The following MDFIC variants were observed in gnomAD, a reference collection of about 807,000 sequenced individuals.
MDFIC encodes MyoD family inhibitor domain containing, also known as myoD family inhibitor domain-containing protein.
MDFIC carries 17 observed loss-of-function variants against 23.2 expected under a neutral mutation model. The ratio of observed to expected loss-of-function variants is 0.73; its 90% CI spans 0.50 to 1.10. MDFIC has a LOEUF of 1.10. Ranked by LOEUF, MDFIC falls within the 50% of genes least tolerant of loss-of-function variation. The probability of loss-of-function intolerance (pLI) is 0.00; values close to 1 mark genes in which losing one functional copy is unlikely to be tolerated. For synonymous variants in MDFIC, 120 were observed against 115.2 expected, an observed-to-expected ratio of 1.04 and a Z score of -0.27; for missense variants, 356 against 316.6, an observed-to-expected ratio of 1.12 and a Z score of -0.95.
intron 3 of MDFIC, among the ~76,000 whole-genome samples, chr7:114,964,299 A>G (rs1029022206): frequency 4.6e-5 from 7 of 152,206 alleles, no homozygotes; most frequent in Non-Finnish European, 7.3e-5. Flanking sequence ...AGGTTTTAAA[A>G]ATCATCAGGG....
intron 4 of MDFIC, among the ~76,000 whole-genome samples, chr7:114,986,811 A>C (rs149565647): frequency 1.3e-5 from 2 of 152,198 alleles, no homozygotes; most frequent in East Asian, 1.9e-4. Context: ...TTGATCTATT[A>C]ATCTATTAAT....
At chr7:114,997,745 G>A (rs1791365470) in intron 4 of MDFIC, among the ~76,000 whole-genome samples, 1 of 143,220 alleles carries the variant, frequency 7.0e-6, no homozygotes, top group South Asian at 2.2e-4. Flanking sequence ...GCATGACCCT[G>A]CATCTAAACA....
At chr7:115,011,098 C>G (rs1287363585) in intron 4 of MDFIC, among the ~76,000 whole-genome samples, 1 of 152,174 alleles carries the variant, frequency 6.6e-6, no homozygotes, top group Admixed American at 6.5e-5. Context: ...GTGACCCACT[C>G]CTGTAGCAGC....
At chr7:114,996,029 C>G (rs1562824963) in intron 4 of MDFIC, among the ~76,000 whole-genome samples, 1 of 152,186 alleles carries the variant, frequency 6.6e-6, no homozygotes, top group Admixed American at 6.5e-5. Flanking sequence ...TCAAACATCT[C>G]TAAGAACTGA....
intron 3 of MDFIC, among the ~76,000 whole-genome samples, chr7:114,956,920 A>G (rs966226890): frequency 5.3e-5 from 8 of 152,210 alleles, no homozygotes; most frequent in Non-Finnish European, 1.2e-4. Flanking sequence ...GCCCACAGGA[A>G]CTGATAGGTA....
intron 4 of MDFIC, among the ~76,000 whole-genome samples, chr7:114,986,907 C>G (rs1241941192): frequency 1.3e-5 from 2 of 152,164 alleles, no homozygotes; most frequent in Non-Finnish European, 2.9e-5. Flanking sequence ...TAATGTTTAG[C>G]CTACAGCCTA....
intron 2 of MDFIC, among the ~76,000 whole-genome samples, chr7:114,937,803 G>A (rs1029502210): frequency 2.0e-5 from 3 of 152,140 alleles, no homozygotes; most frequent in African/African-American, 7.2e-5. Context: ...ATGCTCAGGA[G>A]CTAGTCTTTG....
At chr7:114,992,847 G>T (rs1442523665) in intron 4 of MDFIC, among the ~76,000 whole-genome samples, 1 of 152,168 alleles carries the variant, frequency 6.6e-6, no homozygotes, top group African/African-American at 2.4e-5. Flanking sequence ...TTGGTATCAG[G>T]ATAATGCTGG....
intron 4 of MDFIC, among the ~76,000 whole-genome samples, chr7:114,995,891 C>T (rs1220286963): frequency 6.6e-6 from 1 of 152,174 alleles, no homozygotes; most frequent in Non-Finnish European, 1.5e-5. Flanking sequence ...CAGAAATCAC[C>T]TGTCTTCTGC....
chr7:114,954,665 G>A (rs1010467982), intron 3 of MDFIC, among the ~76,000 whole-genome samples: 1 of 152,108 alleles, frequency 6.6e-6, no homozygotes, highest in Admixed American at 6.6e-5. Context: ...TCATTACTGG[G>A]TCATTGTAGT....
chr7:114,959,223 G>A (rs1792941243), intron 3 of MDFIC, among the ~76,000 whole-genome samples: 1 of 152,150 alleles, frequency 6.6e-6, no homozygotes, highest in Non-Finnish European at 1.5e-5. Context: ...CTGAGTAGGT[G>A]TGATCATAGC....
chr7:114,946,753 G>A (rs560078012), intron 3 of MDFIC, among the ~76,000 whole-genome samples: 1 of 152,238 alleles, frequency 6.6e-6, no homozygotes, highest in East Asian at 1.9e-4. Flanking sequence ...CCCTTATGGA[G>A]CTGCCGTATC....
intron 2 of MDFIC, among the ~76,000 whole-genome samples, chr7:114,937,438 T>C (rs1792447256): frequency 6.6e-6 from 1 of 152,262 alleles, no homozygotes; most frequent in Non-Finnish European, 1.5e-5. Flanking sequence ...TACTCCATTC[T>C]AAACACTCTT....
In MDFIC at chr7:115,015,891, T is replaced by A; in HGVS notation, c.697T>A (p.Leu233Met). The change falls in exon 5 of 5, where the codon TTG (leucine) becomes ATG (methionine). Residue 233 changes from leucine to methionine, a missense_variant. Transcript: ENST00000393486. ...TGCCTGTTGTGAATCATCAGACTGC[T>A]TGGAAATCTGTATGGAATGCTGTGG... ...MDACCESSDC[L>M]EICMECCGIC... The A allele has an allele frequency of 3.1e-6, 5 of 1,614,218 alleles. No individual in the cohort carries two copies. Among genetic ancestry groups the A allele is most frequent in the Non-Finnish European group, 4.2e-6 (5 of 1,180,024 alleles).
chr7:114,980,674 G>A (rs998600476), intron 4 of MDFIC, among the ~76,000 whole-genome samples: 3 of 152,104 alleles, frequency 2.0e-5, no homozygotes, highest in African/African-American at 7.2e-5. Flanking sequence ...GATGTCTAAA[G>A]TCTTGAATCT....
At chr7:114,980,551 A>AT (rs1793400757) in intron 4 of MDFIC, among the ~76,000 whole-genome samples, 1 of 152,130 alleles carries the variant, frequency 6.6e-6, no homozygotes, top group South Asian at 2.1e-4. Context: ...CCTTTACATG[A>AT]TTCATTGTAT....
chr7:114,942,475 T>C, intron 3 of MDFIC, 78 bp downstream of exon 3: 1 of 1,120,648 alleles, frequency 8.9e-7, no homozygotes, highest in Non-Finnish European at 1.2e-6. Context: ...TTGCCCCAGA[T>C]AATTCTGCTA....
At chr7:114,989,844 A>G (rs888847631) in intron 4 of MDFIC, among the ~76,000 whole-genome samples, 7 of 152,138 alleles carry the variant, frequency 4.6e-5, no homozygotes, top group Non-Finnish European at 8.8e-5. Context: ...TTGAGTTTGA[A>G]TGGAGGGGAT....
intron 4 of MDFIC, among the ~76,000 whole-genome samples, chr7:115,006,058 C>A: frequency 6.6e-6 from 1 of 152,260 alleles, no homozygotes. Context: ...TCTGTCAGGG[C>A]TGGGGAGTGC....
Sources: gnomAD v4.1 joint callset for allele counts (sites outside exome capture counted in the v4.1 genomes callset) on GRCh38, gnomAD v4.1.1 for gene constraint, MANE v1.5 for transcripts, NCBI Gene and HGNC (gene_info 2026-07-23, HGNC 2026-07-21) for gene names.